BMP1: variants seen among roughly 807,000 people sequenced by gnomAD.
The protein encoded by BMP1 is mammalian tolloid protein.
Under a neutral mutation model 116.8 loss-of-function variants are expected in BMP1, and 63 were observed. The ratio of observed to expected loss-of-function variants is 0.54; its 90% CI spans 0.44 to 0.67. The LOEUF (loss-of-function observed/expected upper bound fraction) is 0.67, where lower values mean the gene tolerates loss of function less well. Among genes scored for constraint, BMP1 ranks in the 30% least tolerant of loss-of-function variants. BMP1 has a pLI of 0.00. For synonymous variants in BMP1, 536 were observed against 533.4 expected, an observed-to-expected ratio of 1.00 and a Z score of -0.07; for missense variants, 1,183 against 1,358.9, an observed-to-expected ratio of 0.87 and a Z score of 2.04.
intron 5 of BMP1, 115 bp downstream of exon 5, chr8:22,177,254 G>C: frequency 8.8e-7 from 1 of 1,133,044 alleles, no homozygotes; most frequent in South Asian, 1.5e-5. Context: ...GCCTGGGCCC[G>C]CAGCGCTGCC....
intron 15 of BMP1, chr8:22,199,233 G>A: frequency 2.2e-6 from 3 of 1,367,572 alleles, no homozygotes; most frequent in Non-Finnish European, 2.9e-6. Flanking sequence ...TCAGCCCTCA[G>A]GGCCCGGGGC....
Position 22,194,619 on chromosome 8 carries a change from T to C in BMP1, c.1443+29T>C. On this transcript the variant is annotated intron_variant, in intron 11 of 19. Coordinates refer to ENST00000306385, the MANE Select transcript of BMP1 (RefSeq NM_006129.5). The surrounding 1 kb of genome is among the most constrained non-coding windows in gnomAD (Gnocchi z 4.5). ...GGTCAGTGGCCCTGTGATCTGACCT[T>C]TGAATCCAGCAGTTGCTCCCTGGGA... 1 of 1,611,392 alleles carries C rather than the reference T, an allele frequency of 6.2e-7. No homozygotes were observed. The highest frequency in any genetic ancestry group is 8.5e-7 in the Non-Finnish European group (1 of 1,178,048).
Position 22,211,786 on chromosome 8 carries a change from A to G in BMP1, c.*58A>G. The G allele has an allele frequency of 6.2e-7, 1 of 1,611,724 alleles. No homozygotes were observed. The highest frequency in any genetic ancestry group is 8.5e-7 in the Non-Finnish European group (1 of 1,178,962). ...TGCTGCCCTTGGTCGCCTAGACTGG[A>G]TAGTGGGGGTGGGCGGAAGGCAACG... On this transcript the variant is annotated 3_prime_UTR_variant, in exon 20 of 20. Coordinates refer to ENST00000306385, the MANE Select transcript of BMP1 (RefSeq NM_006129.5).
rs1190241205 is a variant in BMP1 at position 22,194,344 on chromosome 8, G to T, written c.1298-101G>T. 1.3e-5 allele frequency: 19 copies of T among 1,518,310 alleles called. No individual in the cohort carries two copies. Among genetic ancestry groups the T allele is most frequent in the Non-Finnish European group, 1.6e-5 (18 of 1,112,198 alleles). The allele number at this position is 1,518,310 out of a possible 1,614,324, so 94.1% of individuals were successfully genotyped here. The stretch of plus-strand genomic sequence containing the variant: ...GGTTTGGTGGGGAACTGAAAAGCTG[G>T]GGGACATGGGAGGGACTGGAGGAGT... On this transcript the variant is annotated intron_variant, in intron 10 of 19. Coordinates refer to ENST00000306385, the MANE Select transcript of BMP1 (RefSeq NM_006129.5). This position sits in a 1 kb window ranked among gnomAD's most constrained non-coding sequence, Gnocchi z 4.5.
chr8:22,207,591 G>A (rs906639621), intron 18 of BMP1, 75 bp downstream of exon 18: 21 of 1,516,968 alleles, frequency 1.4e-5, no homozygotes, highest in East Asian at 7.0e-5. Flanking sequence ...GTTTCAATGC[G>A]GGTATGAAGG....
rs777371308 is a variant in BMP1, at chr8:22,195,493, G to A, written c.1671G>A (p.Gly557=). The stretch of plus-strand genomic sequence containing the variant: ...ACGAGTGCTCTCGGCCCAACCGCGG[G>A]GGCTGTGAGCAGCGGTGCCTCAACA... ...EVDECSRPNR[G]GCEQRCLNTL... is the part of the protein sequence containing the mutation. Residue 557 remains glycine, a synonymous_variant, in exon 13 of 20, where the codon GGG becomes GGA. Transcript: ENST00000306385. The A allele has an allele frequency of 8.7e-6, 14 of 1,611,616 alleles. No individual in the cohort carries two copies. In the African/African-American group the frequency reaches 1.7e-4, roughly 20 times the overall value.
chr8:22,179,493 G>A lies in BMP1; in HGVS notation c.837-212G>A, dbSNP rs907130642. On this transcript the variant is annotated intron_variant, in intron 6 of 19. Transcript: ENST00000306385. This position sits in a 1 kb window ranked among gnomAD's most constrained non-coding sequence, Gnocchi z 4.6. ...CCCAAAGTGTTCCTGGGGCTCCCCC[G>A]ACTCCTGTGGTGTGGCTGCCACGGA... Among the ~76,000 whole-genome samples the A allele has an allele frequency of 4.6e-5, 7 of 152,148 alleles. No homozygotes were observed. The highest frequency in any genetic ancestry group is 7.2e-5 in the African/African-American group (3 of 41,434).
At chr8:22,190,038 A>C (rs1828886237) in intron 8 of BMP1, among the ~76,000 whole-genome samples, 1 of 152,188 alleles carries the variant, frequency 6.6e-6, no homozygotes, top group African/African-American at 2.4e-5. Context: ...CTCCTGCCTC[A>C]GCCTCCTGAG....
At position 22,177,834 on chromosome 8, in the gene BMP1, T is replaced by G. The variant is rs1489127907; in HGVS notation, c.731-18T>G. On this transcript the variant is annotated intron_variant, in intron 5 of 19. Coordinates refer to ENST00000306385, the MANE Select transcript of BMP1 (RefSeq NM_006129.5). The stretch of plus-strand genomic sequence containing the variant: ...CACCCCCTCCTCTCCCCCCACACCC[T>G]TTTCCTGATCTTGGCAGGGCAGGAG... 1.4e-6 allele frequency: 2 copies of G among 1,426,480 alleles called. No homozygotes were observed. The highest frequency in any genetic ancestry group is 9.8e-7 in the Non-Finnish European group (1 of 1,016,052). 88.4% of individuals were successfully genotyped at this position (1,426,480 alleles called of 1,614,324 possible).
At chr8:22,208,833 G>A (rs758421091) in intron 18 of BMP1, among the ~76,000 whole-genome samples, 26 of 152,086 alleles carry the variant, frequency 1.7e-4, no homozygotes, top group Non-Finnish European at 2.8e-4. Context: ...ACCCAGCCCC[G>A]TCCTTCCCTC....
chr8:22,169,553 G>C (rs921985427), intron 1 of BMP1: 35 of 152,406 alleles, frequency 2.3e-4, no homozygotes, highest in African/African-American at 8.2e-4. Flanking sequence ...GTCTTCCTGA[G>C]TACATGCAGG....
intron 8 of BMP1, among the ~76,000 whole-genome samples, chr8:22,180,888 T>A (rs1828600776): frequency 6.6e-6 from 1 of 152,208 alleles, no homozygotes; most frequent in Non-Finnish European, 1.5e-5. Context: ...GAGGTGGGAC[T>A]GGAGCTCTTC....
intron 2 of BMP1, among the ~76,000 whole-genome samples, chr8:22,174,413 C>G (rs1828370109): frequency 6.6e-6 from 1 of 152,098 alleles, no homozygotes; most frequent in South Asian, 2.1e-4. Context: ...GGTCCAAACT[C>G]CTAAAAACCC....
chr8:22,197,373 C>T lies in BMP1; in HGVS notation c.2060C>T (p.Ser687Phe). The change falls in exon 15 of 20, where the codon TCC (serine) becomes TTC (phenylalanine). Residue 687 changes from serine to phenylalanine, a missense_variant. By Grantham distance (155) the Ser-to-Phe change is radical. Coordinates refer to ENST00000306385, the MANE Select transcript of BMP1 (RefSeq NM_006129.5). ...QYNNMRVEFK[S>F]DNTVSKKGFK... ...AACAACATGCGCGTGGAGTTCAAGTCCGACAACACCGTGTCCAAAAAGGGC... is the reference window on the plus strand; with the variant it reads ...AACAACATGCGCGTGGAGTTCAAGTTCGACAACACCGTGTCCAAAAAGGGC... The T allele has an allele frequency of 6.2e-7, 1 of 1,613,370 alleles. No individual in the cohort carries two copies. The highest frequency in any genetic ancestry group is 8.5e-7 in the Non-Finnish European group (1 of 1,179,386).
Position 22,194,634 on chromosome 8 carries a change from G to T in BMP1, c.1443+44G>T. 6.2e-7 allele frequency: 1 copy of T among 1,608,174 alleles called. No individual in the cohort carries two copies. The highest frequency in any genetic ancestry group is 8.5e-7 in the Non-Finnish European group (1 of 1,176,078). On this transcript the variant is annotated intron_variant, in intron 11 of 19. Transcript: ENST00000306385. This position sits in a 1 kb window ranked among gnomAD's most constrained non-coding sequence, Gnocchi z 4.5. ...GATCTGACCTTTGAATCCAGCAGTT[G>T]CTCCCTGGGACAGCTGCCTCTCTTT...
rs146143528 is a variant in BMP1 at position 22,199,218 on chromosome 8, G to A, written c.2107+1798G>A. 332 of 1,367,482 alleles carry A rather than the reference G, an allele frequency of 2.4e-4. 2 individuals are homozygous for A. The highest frequency in any genetic ancestry group is 1.1e-3 in the South Asian group (97 of 88,012). 84.7% of individuals were successfully genotyped at this position (1,367,482 alleles called of 1,614,324 possible). A position where few individuals can be genotyped will look rare whatever the true frequency, so the allele number is the denominator to read the frequency against. ...GCAGAGGACCCCCACTGGGGGCATC[G>A]AGGCTCAGCCCTCAGGGCCCGGGGC... is the stretch of plus-strand genomic sequence containing the variant. On this transcript the variant is annotated intron_variant, in intron 15 of 19. Coordinates refer to ENST00000306385, the MANE Select transcript of BMP1 (RefSeq NM_006129.5).
chr8:22,169,246 G>A (rs1028901886), intron 1 of BMP1: 2 of 151,924 alleles, frequency 1.3e-5, no homozygotes, highest in Admixed American at 6.6e-5. Context: ...TTGCGGTCGG[G>A]GGAGTAGAAG....
At chr8:22,204,202 G>T (rs1346160358) in intron 16 of BMP1, among the ~76,000 whole-genome samples, 1 of 152,138 alleles carries the variant, frequency 6.6e-6, no homozygotes, top group Non-Finnish European at 1.5e-5. Context: ...GGAGGGCAGG[G>T]GGCTGTGTGA....
chr8:22,176,938 C>T, intron 4 of BMP1, 23 bp from the exon 5 acceptor site: 1 of 1,593,278 alleles, frequency 6.3e-7, no homozygotes, highest in East Asian at 2.3e-5. Context: ...GGACCGCCCC[C>T]CTGAGCTGGC....
Sources: allele counts gnomAD v4.1 joint callset (sites outside exome capture counted in the v4.1 genomes callset), GRCh38; gene constraint gnomAD v4.1.1; non-coding constraint Gnocchi (gnomAD v3.1); transcripts MANE v1.5; gene names NCBI Gene and HGNC (gene_info 2026-07-23, HGNC 2026-07-21).